Variants in SEPTIN3 observed in about 807,000 individuals in gnomAD.
The protein encoded by SEPTIN3 is neuronal-specific septin-3.
A neutral mutation model predicts 45.1 loss-of-function variants in SEPTIN3; 15 were observed. That is an observed-to-expected ratio of 0.33 (90% CI 0.22 to 0.51). The LOEUF (loss-of-function observed/expected upper bound fraction) is 0.51. Among genes scored for constraint, SEPTIN3 ranks in the 20% least tolerant of loss-of-function variants. The probability of loss-of-function intolerance (pLI) is 0.97; values close to 1 mark genes in which losing one functional copy is unlikely to be tolerated. For missense variants in SEPTIN3, 289 were observed against 457.2 expected (o/e 0.63, Z 3.35); for synonymous variants, 148 against 164.8 (o/e 0.90, Z 0.78).
rs540696665 is a variant in SEPTIN3, at chr22:41,973,590, G to A, written c.1504+594G>A. Among the ~76,000 whole-genome samples, 4 of 150,492 alleles carry A rather than the reference G, an allele frequency of 2.7e-5. No individual in the cohort carries two copies. In the East Asian group the frequency reaches 7.9e-4, roughly 30 times the overall value. ...TGGGAGGCTGAGGCAGGAGAATGGC[G>A]TGAACCCGGGAGGTGGAGCTTGCAA... On this transcript the variant is annotated intron_variant, in intron 2 of 11. Transcript: ENST00000644076.
chr22:41,992,525 C>T (rs1805614568), intron 8 of SEPTIN3, 139 bp from the exon 9 acceptor site: 2 of 593,996 alleles, frequency 3.4e-6, no homozygotes, highest in Non-Finnish European at 6.0e-6. Flanking sequence ...TTGCCCTTGC[C>T]ATCAGTAGTA....
chr22:41,974,860 G>GAAAAAAAAAA (rs55642127), intron 2 of SEPTIN3, among the ~76,000 whole-genome samples: 1 of 74,298 alleles, frequency 1.3e-5, no homozygotes, highest in Non-Finnish European at 2.6e-5. Context: ...GTCTCAAAAA[G>GAAAAAAAAAA]AAAAAAAAAA....
chr22:41,990,540 TC>T (rs1481294221), intron 7 of SEPTIN3, among the ~76,000 whole-genome samples: 3 of 125,324 alleles, frequency 2.4e-5, no homozygotes, highest in Non-Finnish European at 3.4e-5. Flanking sequence ...AGTCAGGAGA[TC>T]AAGACCATCC....
Position 41,994,501 on chromosome 22 carries a change from T to C in SEPTIN3, c.2412-120T>C. On this transcript the variant is annotated intron_variant, in intron 10 of 11. Coordinates refer to ENST00000644076, the MANE Select transcript of SEPTIN3 (RefSeq NM_001363845.2). The surrounding 1 kb of genome is among the most constrained non-coding windows in gnomAD (Gnocchi z 4.2). ...CAAAATGGAAGGTGCTGTAGAAGAA[T>C]CCTTAGCTCCTGGGAGTGGTTCCCA... 6.5e-7 allele frequency: 1 copy of C among 1,547,602 alleles called. No homozygotes were observed. Among genetic ancestry groups the C allele is most frequent in the Non-Finnish European group, 8.8e-7 (1 of 1,134,752 alleles).
At chr22:41,979,394 C>CA (rs1453460337) in intron 2 of SEPTIN3, among the ~76,000 whole-genome samples, 2 of 152,202 alleles carry the variant, frequency 1.3e-5, no homozygotes, top group African/African-American at 2.4e-5. Flanking sequence ...ACCACCCCCC[C>CA]AAACCATGTG....
At chr22:41,996,555 G>T in intron 11 of SEPTIN3, 1 of 1,055,974 alleles carries the variant, frequency 9.5e-7, no homozygotes, top group East Asian at 7.4e-5. Flanking sequence ...CCCAACCTAT[G>T]CTCTCGGTCT....
chr22:41,975,625 C>T (rs2078010503), intron 2 of SEPTIN3, among the ~76,000 whole-genome samples: 1 of 152,126 alleles, frequency 6.6e-6, no homozygotes, highest in Non-Finnish European at 1.5e-5. Context: ...CCTGATCTCA[C>T]TCTCTCAGCT....
In SEPTIN3 at chr22:41,986,044, G is replaced by T. The variant is rs763354900; in HGVS notation, c.1757G>T (p.Arg586Leu). ...VNTLFKSQVS[R>L]KASSWNREEK... ...ACGCTCTTCAAATCCCAAGTGAGCC[G>T]CAAGGCCTCCAGCTGGAACCGGGAG... is the stretch of plus-strand genomic sequence containing the variant. The change falls in exon 4 of 12, where the codon CGC becomes CTC. Residue 586 changes from arginine (R) to leucine (L), a missense_variant. By Grantham distance (102) the Arg-to-Leu change is moderately radical (BLOSUM62 -2). Coordinates refer to ENST00000644076, the MANE Select transcript of SEPTIN3 (RefSeq NM_001363845.2). 5 of 1,613,564 alleles carry T rather than the reference G, an allele frequency of 3.1e-6. No individual in the cohort carries two copies. Among genetic ancestry groups the T allele is most frequent in the Non-Finnish European group, 4.2e-6 (5 of 1,179,792 alleles).
intron 9 of SEPTIN3, among the ~76,000 whole-genome samples, chr22:41,993,056 G>C (rs1569441054): frequency 6.6e-6 from 1 of 152,194 alleles, no homozygotes; most frequent in Non-Finnish European, 1.5e-5. Context: ...CATAGGAAGG[G>C]GGATGTGATC....
At chr22:41,988,689 G>T (rs997175681) in intron 6 of SEPTIN3, among the ~76,000 whole-genome samples, 1 of 152,114 alleles carries the variant, frequency 6.6e-6, no homozygotes, top group East Asian at 1.9e-4. Flanking sequence ...GCAAAATAGA[G>T]CCAAGTTGGG....
In SEPTIN3 at chr22:41,994,410, A is replaced by T; in HGVS notation, c.2411+69A>T. The T allele has an allele frequency of 6.4e-7, 1 of 1,557,060 alleles. No individual in the cohort carries two copies. On this transcript the variant is annotated intron_variant, in intron 10 of 11. Coordinates refer to ENST00000644076, the MANE Select transcript of SEPTIN3 (RefSeq NM_001363845.2). The surrounding 1 kb of genome is among the most constrained non-coding windows in gnomAD (Gnocchi z 4.2). ...ATTTGGGGTCAGGGTCTATCTGTTCAGATTCACCTCCTGCATCTCCAGGTC... is the reference window on the plus strand; with the variant it reads ...ATTTGGGGTCAGGGTCTATCTGTTCTGATTCACCTCCTGCATCTCCAGGTC...
At position 41,994,576 on chromosome 22, in the gene SEPTIN3, C is replaced by T. The variant is rs2078391063; in HGVS notation, c.2412-45C>T. The T allele has an allele frequency of 6.2e-7, 1 of 1,612,384 alleles. No individual in the cohort carries two copies. The highest frequency in any genetic ancestry group is 8.5e-7 in the Non-Finnish European group (1 of 1,179,148). On this transcript the variant is annotated intron_variant, in intron 10 of 11. Transcript: ENST00000644076. This position sits in a 1 kb window ranked among gnomAD's most constrained non-coding sequence, Gnocchi z 4.2. ...TGATGTGTGTCACCGCCTCCTCTTC[C>T]TGCCCCTAATTGCAGCCCTCTTCTT...
intron 11 of SEPTIN3, chr22:41,996,594 T>G: frequency 8.9e-7 from 1 of 1,127,288 alleles, no homozygotes; most frequent in Non-Finnish European, 1.1e-6. Context: ...CCAGCCCTCA[T>G]CCTCCCTTGC....
rs539686213 is a variant in SEPTIN3, at chr22:41,981,142, C to T, written c.1505-503C>T. ...TGACTCAGGTCTGAACAACCCCAGA[C>T]ATTTCTTAGACCAGTGGTTCTCAGC... On this transcript the variant is annotated intron_variant, in intron 2 of 11. Coordinates refer to ENST00000644076, the MANE Select transcript of SEPTIN3 (RefSeq NM_001363845.2). Among the ~76,000 whole-genome samples, 5 of 152,310 alleles carry T rather than the reference C, an allele frequency of 3.3e-5. No individual in the cohort carries two copies. The East Asian group carries it at 7.7e-4, about 23-fold the overall frequency.
intron 11 of SEPTIN3, chr22:41,996,666 G>T (rs1441794113): frequency 5.1e-6 from 7 of 1,385,674 alleles, no homozygotes; most frequent in South Asian, 1.6e-5. Flanking sequence ...CAGCCCAGAG[G>T]TTATACATTT....
rs560658473 is a variant in SEPTIN3 at position 41,987,858 on chromosome 22, C to G, written c.2045+99C>G. Reference sequence around the variant, plus strand: ...TCCATACGTTGACTCAGCTAGGCCTCCCTAGCTGAGTCCTAGCCCTTCCAG... The same window carrying G: ...TCCATACGTTGACTCAGCTAGGCCTGCCTAGCTGAGTCCTAGCCCTTCCAG... On this transcript the variant is annotated intron_variant, in intron 6 of 11. Transcript: ENST00000644076. 117 of 1,303,566 alleles carry G rather than the reference C, an allele frequency of 9.0e-5. No individual in the cohort carries two copies. The African/African-American group carries it at 1.6e-3, about 18-fold the overall frequency. The allele number at this position is 1,303,566 out of a possible 1,614,324, so 80.7% of individuals were successfully genotyped here. A position where few individuals can be genotyped will look rare whatever the true frequency, so the allele number is the denominator to read the frequency against.
intron 2 of SEPTIN3, among the ~76,000 whole-genome samples, chr22:41,980,258 C>T (rs1429236635): frequency 6.6e-6 from 1 of 151,632 alleles, no homozygotes; most frequent in African/African-American, 2.4e-5. Flanking sequence ...CTGCCTCAGC[C>T]TCCTGAGTAG....
intron 3 of SEPTIN3, among the ~76,000 whole-genome samples, chr22:41,982,444 G>A (rs2078137104): frequency 1.3e-5 from 2 of 152,202 alleles, no homozygotes; most frequent in Non-Finnish European, 2.9e-5. Flanking sequence ...GGAGGTGGAG[G>A]TTGCAGTGAG....
chr22:41,996,069 C>T, intron 11 of SEPTIN3: 1 of 985,344 alleles, frequency 1.0e-6, no homozygotes, highest in Non-Finnish European at 1.2e-6. Context: ...CTTTTCTATT[C>T]CCCATCACTT....
Sources: allele counts gnomAD v4.1 joint callset (sites outside exome capture counted in the v4.1 genomes callset), GRCh38; gene constraint gnomAD v4.1.1; non-coding constraint Gnocchi (gnomAD v3.1); transcripts MANE v1.5; gene names NCBI Gene and HGNC (gene_info 2026-07-23, HGNC 2026-07-21).